SBF2: variants seen among roughly 807,000 people sequenced by gnomAD.
SBF2 encodes SET binding factor 2.
A neutral mutation model predicts 225.2 loss-of-function variants in SBF2; 112 were observed. The observed-to-expected ratio is 0.50, with a 90% CI of 0.43 to 0.58. The LOEUF (loss-of-function observed/expected upper bound fraction) is 0.58, where lower values mean the gene tolerates loss of function less well. Among genes scored for constraint, SBF2 ranks in the 20% least tolerant of loss-of-function variants. The pLI is 0.00. For missense variants in SBF2, 1,996 were observed against 2,206.2 expected, an observed-to-expected ratio of 0.90 and a Z score of 1.91; for synonymous variants, 763 against 773.3, an observed-to-expected ratio of 0.99 and a Z score of 0.22.
intron 15 of SBF2, among the ~76,000 whole-genome samples, chr11:9,963,356 T>C (rs1197486834): frequency 6.6e-6 from 1 of 152,072 alleles, no homozygotes; most frequent in Admixed American, 6.6e-5. Context: ...TCCCAGCTAC[T>C]TGGGAGGCTG....
intron 2 of SBF2, among the ~76,000 whole-genome samples, chr11:10,104,499 C>T (rs72860544): frequency 0.053 from 8,137 of 152,220 alleles, 296 homozygotes; most frequent in Middle Eastern, 0.15. Context: ...ACTTCCGCAA[C>T]GTAGGTGCAA....
chr11:10,270,890 G>T (rs1324426569), intron 1 of SBF2, among the ~76,000 whole-genome samples: 1 of 151,356 alleles, frequency 6.6e-6, no homozygotes, highest in Admixed American at 6.6e-5. Context: ...AGCTACTGGG[G>T]AGGCTGAGGC....
chr11:9,997,886 A>G (rs1947777709), intron 9 of SBF2, among the ~76,000 whole-genome samples: 2 of 152,242 alleles, frequency 1.3e-5, no homozygotes, highest in South Asian at 2.1e-4. Context: ...TAGGTACCAA[A>G]GAGGAATGAG....
intron 2 of SBF2, among the ~76,000 whole-genome samples, chr11:10,078,185 T>C (rs1235110071): frequency 1.3e-5 from 2 of 152,240 alleles, no homozygotes; most frequent in African/African-American, 4.8e-5. Context: ...TTTACACTAG[T>C]GTAAACTAGT....
chr11:9,844,957 CTTTGTTCTTAGGAAACAT>C (rs1856433786), intron 24 of SBF2, among the ~76,000 whole-genome samples: 5 of 151,952 alleles, frequency 3.3e-5, no homozygotes, highest in African/African-American at 2.4e-5. Context: ...AAGATAATGT[CTTTGTTCTTAGGAAACAT>C]ATTGTGATGT....
intron 2 of SBF2, among the ~76,000 whole-genome samples, chr11:10,061,193 G>A (rs1305338714): frequency 6.6e-6 from 1 of 151,804 alleles, no homozygotes. Flanking sequence ...CATATTGAAG[G>A]AACATACCTC....
intron 6 of SBF2, among the ~76,000 whole-genome samples, chr11:10,025,397 C>G (rs72858820): frequency 0.094 from 14,255 of 152,062 alleles, 771 homozygotes; most frequent in Non-Finnish European, 0.1. Context: ...AAAAAATCCA[C>G]CTTGGTAAAA....
chr11:9,860,519 T>C (rs1387524641), intron 17 of SBF2, among the ~76,000 whole-genome samples: 2 of 151,834 alleles, frequency 1.3e-5, no homozygotes, highest in African/African-American at 4.8e-5. Flanking sequence ...TTTGTAGAGA[T>C]GGGGTTTCAT....
chr11:10,042,871 G>A lies in SBF2; in HGVS notation c.252C>T (p.Thr84=). The A allele has an allele frequency of 6.2e-7, 1 of 1,614,000 alleles. No homozygotes were observed. Among genetic ancestry groups the A allele is most frequent in the African/African-American group, 1.3e-5 (1 of 75,032 alleles). ...GAAGATTGATCTCTGCCTCATAGAA[G>A]GTTAGGCATGAGCAGTAATGTCGAT... The part of the protein sequence containing the change: ...DSDRHYCSCL[T]FYEAEINLQG... The change falls in exon 3 of 40, where the codon ACC becomes ACT. Residue 84 remains threonine, a synonymous_variant. Transcript: ENST00000256190.
At chr11:10,168,755 T>A (rs950919191) in intron 2 of SBF2, among the ~76,000 whole-genome samples, 2 of 152,160 alleles carry the variant, frequency 1.3e-5, no homozygotes, top group African/African-American at 4.8e-5. Flanking sequence ...TTCTTTGGCT[T>A]GTCAGAAAGT....
At chr11:9,850,930 G>A (rs535087528) in intron 21 of SBF2, among the ~76,000 whole-genome samples, 1 of 152,180 alleles carries the variant, frequency 6.6e-6, no homozygotes, top group Non-Finnish European at 1.5e-5. Flanking sequence ...GAGGTCAGGA[G>A]TTCGAGACCA....
chr11:10,032,755 T>C (rs1451520951), intron 3 of SBF2, among the ~76,000 whole-genome samples: 2 of 152,246 alleles, frequency 1.3e-5, no homozygotes, highest in Non-Finnish European at 2.9e-5. Context: ...TTCTGTTTTG[T>C]TCAACGGTGA....
At chr11:9,816,285 T>C (rs976973987) in intron 29 of SBF2, among the ~76,000 whole-genome samples, 1 of 152,192 alleles carries the variant, frequency 6.6e-6, no homozygotes, top group East Asian at 1.9e-4. Flanking sequence ...TAGCATCTAG[T>C]ATTTTGAATT....
intron 2 of SBF2, among the ~76,000 whole-genome samples, chr11:10,154,201 T>C (rs1469492434): frequency 6.6e-6 from 1 of 152,126 alleles, no homozygotes; most frequent in Non-Finnish European, 1.5e-5. Context: ...ATTATTGCTA[T>C]CCTATACAAA....
chr11:9,963,977 G>A (rs776663110), intron 14 of SBF2, 95 bp from the exon 15 acceptor site: 191 of 752,118 alleles, frequency 2.5e-4, no homozygotes, highest in Middle Eastern at 7.3e-4. Flanking sequence ...TAGGTTGGGC[G>A]TGGAGGCTCA....
At chr11:9,895,910 T>G in intron 17 of SBF2, 33 bp downstream of exon 17, 1 of 1,482,356 alleles carries the variant, frequency 6.7e-7, no homozygotes, top group Non-Finnish European at 9.4e-7. Context: ...ATGTAAATCA[T>G]AACAAGCTTA....
At chr11:10,235,606 C>CT (rs1240045791) in intron 1 of SBF2, among the ~76,000 whole-genome samples, 1 of 152,022 alleles carries the variant, frequency 6.6e-6, no homozygotes, top group Non-Finnish European at 1.5e-5. Flanking sequence ...ATAAACTTCC[C>CT]TTTTTGGAAA....
intron 16 of SBF2, among the ~76,000 whole-genome samples, chr11:9,908,889 C>T (rs1268461240): frequency 1.3e-5 from 2 of 149,876 alleles, no homozygotes; most frequent in Non-Finnish European, 1.5e-5. Flanking sequence ...GGTTCCGCCA[C>T]GTTGCTCAGG....
chr11:9,790,884 T>C (rs1852698399), intron 33 of SBF2: 1 of 471,706 alleles, frequency 2.1e-6, no homozygotes, highest in Non-Finnish European at 3.8e-6. Flanking sequence ...CAGATCCAGA[T>C]GGAGGAAACA....
Sources: allele counts gnomAD v4.1 joint callset (sites outside exome capture counted in the v4.1 genomes callset), GRCh38; gene constraint gnomAD v4.1.1; transcripts MANE v1.5; gene names NCBI Gene and HGNC (gene_info 2026-07-23, HGNC 2026-07-21).